The following LAMA3 variants were observed in gnomAD, a reference collection of about 807,000 sequenced individuals.
LAMA3 encodes laminin subunit alpha 3, also known as laminin subunit alpha-3.
Under a neutral mutation model 402.0 loss-of-function variants are expected in LAMA3, and 281 were observed. That is an observed-to-expected ratio of 0.70 (90% CI 0.63 to 0.77). The LOEUF (loss-of-function observed/expected upper bound fraction) is 0.77, where lower values mean the gene tolerates loss of function less well. Ranked by LOEUF, LAMA3 falls within the 30% of genes least tolerant of loss-of-function variation. The pLI, the probability that LAMA3 is intolerant of heterozygous loss-of-function variation, is 0.00. For synonymous variants in LAMA3, 1,431 were observed against 1,558.4 expected (o/e 0.92, Z 1.93); for missense variants, 3,840 against 4,215.5 (o/e 0.91, Z 2.47).
chr18:23,900,643 T>C (rs2081041122), intron 47 of LAMA3, among the ~76,000 whole-genome samples: 1 of 152,250 alleles, frequency 6.6e-6, no homozygotes, highest in Non-Finnish European at 1.5e-5. Context: ...GCATACTTTT[T>C]ACAGATACTG....
chr18:23,806,443 G>C (rs927871239), intron 12 of LAMA3, among the ~76,000 whole-genome samples: 3 of 152,170 alleles, frequency 2.0e-5, no homozygotes, highest in Non-Finnish European at 1.5e-5. Context: ...TGGGATGGGG[G>C]TGGGTCCTGA....
intron 55 of LAMA3, among the ~76,000 whole-genome samples, chr18:23,910,573 A>G (rs1041189541): frequency 1.3e-5 from 2 of 152,208 alleles, no homozygotes; most frequent in Non-Finnish European, 2.9e-5. Flanking sequence ...AACAAGCTGG[A>G]TAGAGGTGTG....
chr18:23,725,259 G>T (rs2061278814), intron 2 of LAMA3, among the ~76,000 whole-genome samples: 1 of 152,058 alleles, frequency 6.6e-6, no homozygotes, highest in South Asian at 2.1e-4. Flanking sequence ...ATAGGTATGG[G>T]CCACCACGCC....
At chr18:23,950,205 T>C (rs1327429408) in intron 72 of LAMA3, 46 bp downstream of exon 72, 2 of 1,612,162 alleles carry the variant, frequency 1.2e-6, no homozygotes, top group Non-Finnish European at 1.7e-6. Flanking sequence ...AGAAACCAGC[T>C]TCAATGTCTG....
chr18:23,838,137 A>AC (rs1169402064), intron 25 of LAMA3, among the ~76,000 whole-genome samples: 5 of 151,154 alleles, frequency 3.3e-5, no homozygotes, highest in African/African-American at 1.2e-4. Context: ...GACTTGTAAG[A>AC]CCCCCTAGTC....
At chr18:23,821,868 C>T (rs917584898) in intron 19 of LAMA3, among the ~76,000 whole-genome samples, 1 of 152,200 alleles carries the variant, frequency 6.6e-6, no homozygotes, top group African/African-American at 2.4e-5. Context: ...AAATAATACC[C>T]TCTCCTTTCC....
In LAMA3 at chr18:23,842,441, T is replaced by C. The variant is rs1032138886; in HGVS notation, c.3383T>C (p.Val1128Ala). The change falls in exon 28 of 75, where the codon GTC (valine) becomes GCC (alanine). Residue 1128 changes from valine to alanine, a missense_variant. Val to Ala is a moderately conservative substitution (Grantham distance 64). Coordinates refer to ENST00000313654, the MANE Select transcript of LAMA3 (RefSeq NM_198129.4). ...CGTGTACCACACCTGGGCCGATACGTCTTTGTCATCCATTTTTACCAAGCA... is the reference window on the plus strand; with the variant it reads ...CGTGTACCACACCTGGGCCGATACGCCTTTGTCATCCATTTTTACCAAGCA... ...RGRVPHLGRYVFVIHFYQAAH... is the reference protein window; with the variant it reads ...RGRVPHLGRYAFVIHFYQAAH... 4.3e-6 allele frequency: 7 copies of C among 1,614,094 alleles called. No individual in the cohort carries two copies. The highest frequency in any genetic ancestry group is 5.9e-6 in the Non-Finnish European group (7 of 1,180,028).
chr18:23,693,880 A>C (rs2060637590), intron 1 of LAMA3, among the ~76,000 whole-genome samples: 1 of 152,204 alleles, frequency 6.6e-6, no homozygotes, highest in South Asian at 2.1e-4. Flanking sequence ...ACTAAGTGGC[A>C]CCTGAGTGGT....
At chr18:23,720,944 G>A (rs2061201237) in intron 2 of LAMA3, among the ~76,000 whole-genome samples, 1 of 151,892 alleles carries the variant, frequency 6.6e-6, no homozygotes, top group Non-Finnish European at 1.5e-5. Flanking sequence ...ATTGCTTGAG[G>A]CCAGGAGTTC....
rs956220757 is a variant in LAMA3, at chr18:23,914,487, T to C, written c.7407T>C (p.Ala2469=). Residue 2469 remains alanine, a synonymous_variant, in exon 57 of 75, where the codon GCT becomes GCC. Transcript: ENST00000313654. ...TCVYNLGDRE[A]ELQVDQILTK... ...TCTACAACCTGGGGGACCGTGAGGC[T>C]GAACTCCAAGTGGACCAGATCTTGA... 8 of 1,614,154 alleles carry C rather than the reference T, an allele frequency of 5.0e-6. No homozygotes were observed. The highest frequency in any genetic ancestry group is 1.6e-4 in the Middle Eastern group (1 of 6,062).
At chr18:23,772,494 A>G (rs1201963902) in intron 8 of LAMA3, among the ~76,000 whole-genome samples, 1 of 152,236 alleles carries the variant, frequency 6.6e-6, no homozygotes, top group Non-Finnish European at 1.5e-5. Flanking sequence ...AAGGTGGGCC[A>G]CAGCTGTTTC....
At chr18:23,785,735 T>C (rs1194072436) in intron 12 of LAMA3, among the ~76,000 whole-genome samples, 1 of 152,204 alleles carries the variant, frequency 6.6e-6, no homozygotes, top group Non-Finnish European at 1.5e-5. Flanking sequence ...CAAAACATTC[T>C]TGTGGCTGAA....
At chr18:23,811,604 A>AT (rs2063069925) in intron 13 of LAMA3, among the ~76,000 whole-genome samples, 2 of 152,196 alleles carry the variant, frequency 1.3e-5, no homozygotes, top group Non-Finnish European at 2.9e-5. Context: ...AGCCACAGTC[A>AT]TCCCAGGGCT....
At chr18:23,733,968 G>A (rs1472801212) in intron 2 of LAMA3, among the ~76,000 whole-genome samples, 2 of 152,212 alleles carry the variant, frequency 1.3e-5, no homozygotes, top group African/African-American at 4.8e-5. Flanking sequence ...CTTTCTGGTT[G>A]CTTCTAATGT....
At chr18:23,701,838 G>C (rs963637318) in intron 1 of LAMA3, among the ~76,000 whole-genome samples, 2 of 152,200 alleles carry the variant, frequency 1.3e-5, no homozygotes, top group African/African-American at 4.8e-5. Context: ...TCCTGGGAGA[G>C]CGAACAGCAT....
chr18:23,939,090 A>G (rs765622010), intron 67 of LAMA3, 133 bp from the exon 68 acceptor site: 45 of 916,554 alleles, frequency 4.9e-5, no homozygotes, highest in Non-Finnish European at 7.2e-5. Flanking sequence ...TCCCATCTCC[A>G]TGGTACCAGG....
At chr18:23,930,419 C>T (rs535351255) in intron 64 of LAMA3, among the ~76,000 whole-genome samples, 78 of 151,954 alleles carry the variant, frequency 5.1e-4, no homozygotes, top group African/African-American at 1.8e-3. Flanking sequence ...TGAATTGATC[C>T]GATAGAAATA....
At chr18:23,865,668 T>A (rs903522890) in intron 36 of LAMA3, among the ~76,000 whole-genome samples, 3 of 152,084 alleles carry the variant, frequency 2.0e-5, no homozygotes, top group African/African-American at 7.2e-5. Context: ...GTAGGGGGAA[T>A]GGGAGTCATG....
chr18:23,796,995 G>GA (rs1168904645), intron 12 of LAMA3, among the ~76,000 whole-genome samples: 2 of 152,198 alleles, frequency 1.3e-5, no homozygotes, highest in Non-Finnish European at 2.9e-5. Context: ...CCCGGTGGGT[G>GA]AAGGTCTGGG....
Sources: allele counts gnomAD v4.1 joint callset (sites outside exome capture counted in the v4.1 genomes callset), GRCh38; gene constraint gnomAD v4.1.1; transcripts MANE v1.5; gene names NCBI Gene and HGNC (gene_info 2026-07-23, HGNC 2026-07-21).